AHCTF1: variants seen among roughly 807,000 people sequenced by gnomAD.
AHCTF1 encodes protein ELYS.
AHCTF1 carries 24 observed loss-of-function variants against 248.4 expected under a neutral mutation model. The ratio of observed to expected loss-of-function variants is 0.10; its 90% CI spans 0.07 to 0.14. The LOEUF is 0.14. Among genes scored for constraint, AHCTF1 ranks in the 10% least tolerant of loss-of-function variants. The probability of loss-of-function intolerance (pLI) is 1.00; values close to 1 mark genes in which losing one functional copy is unlikely to be tolerated. For missense variants in AHCTF1, 2,206 were observed against 2,636.2 expected (o/e 0.84, Z 3.57); for synonymous variants, 786 against 929.8 (o/e 0.85, Z 2.81).
intron 1 of AHCTF1, among the ~76,000 whole-genome samples, chr1:246,930,183 C>G (rs1375999295): frequency 1.3e-5 from 2 of 152,124 alleles, no homozygotes; most frequent in Non-Finnish European, 1.5e-5. Context: ...GTCACACAGG[C>G]TGAGTGCAGC....
chr1:246,846,815 T>C (rs1660301005), intron 33 of AHCTF1, among the ~76,000 whole-genome samples: 2 of 151,898 alleles, frequency 1.3e-5, no homozygotes, highest in African/African-American at 4.8e-5. Context: ...AGCACAGTGG[T>C]GTGATGGCTC....
In AHCTF1 at chr1:246,849,755, A is replaced by C. The variant is rs762263196; in HGVS notation, c.6251T>G (p.Leu2084Trp). 2.8e-5 allele frequency: 45 copies of C among 1,613,856 alleles called. No homozygotes were observed. The highest frequency in any genetic ancestry group is 5.0e-5 in the Admixed American group (3 of 60,002). The change falls in exon 33 of 36, where the codon TTG becomes TGG. Residue 2084 changes from leucine to tryptophan, a missense_variant. Leu to Trp is a moderately conservative substitution (Grantham distance 61). Around this residue, in one of 6 missense-constraint regions of AHCTF1, gnomAD observed 469 missense variants for 470.0 expected, o/e 1.00. Coordinates refer to ENST00000648844, the MANE Select transcript of AHCTF1 (RefSeq NM_001323342.2). ...TTTAGTGAAGGAAGCTGTGGCGAGC[A>C]ATCTTTCTTCCTGCTCATTTGTTTC... ...HKETNEQEERLLATASFTKSS... is the reference protein window; with the variant it reads ...HKETNEQEERWLATASFTKSS...
Position 246,876,314 on chromosome 1 carries a change from T to C in AHCTF1, c.2938-127A>G, listed in dbSNP as rs143336719. ...CTTCCCCCTACCTACATATCCATTT[T>C]TCCAAACCAAGAACTTCATCCACAT... On this transcript the variant is annotated intron_variant, in intron 23 of 35. Coordinates refer to ENST00000648844, the MANE Select transcript of AHCTF1 (RefSeq NM_001323342.2). The C allele has an allele frequency of 2.1e-5, 17 of 801,048 alleles. 1 individual carries two copies. In the East Asian group the frequency reaches 5.1e-4, roughly 24 times the overall value. 49.6% of individuals were successfully genotyped at this position (801,048 alleles called of 1,614,324 possible).
intron 17 of AHCTF1, among the ~76,000 whole-genome samples, chr1:246,889,663 C>A (rs1328243969): frequency 2.0e-5 from 3 of 152,130 alleles, no homozygotes; most frequent in Non-Finnish European, 2.9e-5. Context: ...TGTGGCACTG[C>A]TCTAAATGTT....
At chr1:246,896,403 T>C (rs1170440489) in intron 12 of AHCTF1, among the ~76,000 whole-genome samples, 1 of 152,204 alleles carries the variant, frequency 6.6e-6, no homozygotes, top group South Asian at 2.1e-4. Context: ...GTACTGATAC[T>C]TGCTATAATA....
At chr1:246,893,433 C>G (rs913944600) in intron 14 of AHCTF1, among the ~76,000 whole-genome samples, 1 of 152,186 alleles carries the variant, frequency 6.6e-6, no homozygotes, top group African/African-American at 2.4e-5. Context: ...GTTTACTCAT[C>G]ATGACACAAG....
chr1:246,864,172 A>G, intron 26 of AHCTF1, 56 bp from the exon 27 acceptor site: 1 of 1,522,048 alleles, frequency 6.6e-7, no homozygotes. Context: ...AGAATTTAGT[A>G]TCCCATTTAA....
rs144597398 is a variant in AHCTF1 at position 246,859,083 on chromosome 1, C to T, written c.4133-1269G>A. 2.2e-3 allele frequency among the ~76,000 whole-genome samples: 337 copies of T among 152,220 alleles called. 2 individuals are homozygous for T. The highest frequency in any genetic ancestry group is 7.8e-3 in the African/African-American group (324 of 41,538). On this transcript the variant is annotated intron_variant, in intron 29 of 35. Coordinates refer to ENST00000648844, the MANE Select transcript of AHCTF1 (RefSeq NM_001323342.2). ...AAGACTCTGTCTCAAATAAGTAAGG[C>T]AGTGTAAATTTCTAGACATATGCTA...
chr1:246,902,673 C>G lies in AHCTF1; in HGVS notation c.969G>C (p.Gly323=), dbSNP rs745652905. 9 of 1,595,772 alleles carry G rather than the reference C, an allele frequency of 5.6e-6. No individual in the cohort carries two copies. In the Admixed American group the frequency reaches 1.2e-4, roughly 22 times the overall value. ...TGTATCTTTCTTCACAGTATTCTAA[C>G]CCCTGTAACATAAAATACACGCAAA... ...CLASGQILYE[G]LEYCEERYTL... Residue 323 remains glycine, a splice_region_variant and synonymous_variant, in exon 8 of 36, where the codon GGG becomes GGC. Transcript: ENST00000648844.
At chr1:246,841,070 G>C in intron 35 of AHCTF1, 72 bp from the exon 36 acceptor site, 1 of 1,375,210 alleles carries the variant, frequency 7.3e-7, no homozygotes. Flanking sequence ...TTCCCAACAT[G>C]TTGAGAAAAA....
At chr1:246,904,599 G>A (rs921448384) in intron 6 of AHCTF1, among the ~76,000 whole-genome samples, 5 of 152,074 alleles carry the variant, frequency 3.3e-5, no homozygotes, top group African/African-American at 9.7e-5. Flanking sequence ...GGGGAAGGGT[G>A]GGGAAAAAAT....
chr1:246,891,972 T>A, intron 14 of AHCTF1, 53 bp from the exon 15 acceptor site: 1 of 1,529,304 alleles, frequency 6.5e-7, no homozygotes, highest in Non-Finnish European at 8.7e-7. Flanking sequence ...CTAAATAAAT[T>A]AGAATCACAA....
chr1:246,865,006 T>C (rs1661864061), intron 26 of AHCTF1, among the ~76,000 whole-genome samples: 1 of 152,226 alleles, frequency 6.6e-6, no homozygotes, highest in South Asian at 2.1e-4. Flanking sequence ...CGTAATGTCC[T>C]AGTCCCAATG....
intron 1 of AHCTF1, 26 bp from the exon 2 acceptor site, chr1:246,918,403 T>A (rs777132046): frequency 1.3e-6 from 2 of 1,594,074 alleles, no homozygotes; most frequent in African/African-American, 1.4e-5. Context: ...AAAGAAAACA[T>A]TATTATGACA....
At chr1:246,916,957 T>C (rs954935308) in intron 2 of AHCTF1, among the ~76,000 whole-genome samples, 2 of 152,174 alleles carry the variant, frequency 1.3e-5, no homozygotes, top group African/African-American at 4.8e-5. Flanking sequence ...AATTAAGACA[T>C]AACTAGCATA....
rs771926650 is a variant in AHCTF1, at chr1:246,902,932, T to A, written c.967-257A>T. Among the ~76,000 whole-genome samples, 4 of 152,338 alleles carry A rather than the reference T, an allele frequency of 2.6e-5. No homozygotes were observed. In the East Asian group the frequency reaches 7.7e-4, roughly 29 times the overall value. On this transcript the variant is annotated intron_variant, in intron 7 of 35. Coordinates refer to ENST00000648844, the MANE Select transcript of AHCTF1 (RefSeq NM_001323342.2). ...CACAGAAGCCCTCATGCACTACTGG[T>A]TGGTATGTAAACTGGAATAACCATC... is the stretch of plus-strand genomic sequence containing the variant.
chr1:246,924,982 T>A (rs1025014289), intron 1 of AHCTF1, among the ~76,000 whole-genome samples: 1 of 152,196 alleles, frequency 6.6e-6, no homozygotes, highest in African/African-American at 2.4e-5. Context: ...ATTCATCTCC[T>A]AAGTAGCTTA....
chr1:246,891,032 C>G lies in AHCTF1; in HGVS notation c.1974G>C (p.Val658=). 6.4e-7 allele frequency: 1 copy of G among 1,555,862 alleles called. No individual in the cohort carries two copies. The highest frequency in any genetic ancestry group is 8.6e-7 in the Non-Finnish European group (1 of 1,157,992). ...RGLIDLSNKF[V]VSHLICQYAQ... ...CATACTGACAGATGAGGTGGGAAAC[C>G]ACAAACTTATTGCTTAAGTCTATCA... is the stretch of plus-strand genomic sequence containing the variant. The change falls in exon 16 of 36, where the codon GTG becomes GTC. Residue 658 remains valine, a synonymous_variant. Transcript: ENST00000648844.
At chr1:246,883,141 A>G (rs1272315852) in intron 21 of AHCTF1, among the ~76,000 whole-genome samples, 1 of 152,246 alleles carries the variant, frequency 6.6e-6, no homozygotes, top group African/African-American at 2.4e-5. Context: ...CTGTACAGCC[A>G]GAAGGGTGAG....
Sources: allele counts gnomAD v4.1 joint callset (sites outside exome capture counted in the v4.1 genomes callset), GRCh38; gene constraint gnomAD v4.1.1; regional missense constraint gnomAD v4.1.1; transcripts MANE v1.5; gene names NCBI Gene and HGNC (gene_info 2026-07-23, HGNC 2026-07-21).